HHATL: variants seen among roughly 807,000 people sequenced by gnomAD.
HHATL encodes the protein hedgehog acyltransferase like, also known as protein-cysteine N-palmitoyltransferase HHAT-like protein.
In HHATL, 49 loss-of-function variants were observed where a neutral mutation model predicts 59.7. The ratio of observed to expected loss-of-function variants is 0.82; its 90% CI spans 0.65 to 1.04. The LOEUF (loss-of-function observed/expected upper bound fraction) is 1.04. Among genes scored for constraint, HHATL ranks in the 50% least tolerant of loss-of-function variants. The probability of loss-of-function intolerance (pLI) is 0.00; values close to 1 mark genes in which losing one functional copy is unlikely to be tolerated. For missense variants in HHATL, 605 were observed against 650.8 expected (o/e 0.93, Z 0.77); for synonymous variants, 238 against 257.3 (o/e 0.93, Z 0.72).
intron 11 of HHATL, 41 bp from the exon 12 acceptor site, chr3:42,692,916 G>C: frequency 1.9e-6 from 3 of 1,596,490 alleles, no homozygotes; most frequent in Non-Finnish European, 2.6e-6. Context: ...GAGCAGCACT[G>C]CATCCTCAGC....
intron 2 of HHATL, 138 bp downstream of exon 2, chr3:42,700,583 G>A (rs1697917022): frequency 1.6e-6 from 1 of 612,514 alleles, no homozygotes; most frequent in South Asian, 2.1e-5. Context: ...ACCCCGGGCT[G>A]AAAAGGGAGA....
chr3:42,697,148 G>T lies in HHATL; in HGVS notation c.866-3C>A. 6.6e-7 allele frequency: 1 copy of T among 1,522,310 alleles called. No individual in the cohort carries two copies. Among genetic ancestry groups the T allele is most frequent in the Non-Finnish European group, 8.8e-7 (1 of 1,134,474 alleles). 94.3% of individuals were successfully genotyped at this position (1,522,310 alleles called of 1,614,324 possible). ...CAGGTTTGAATAGGCTAGGCCAGCT[G>T]GGGGCAGGGCACTGTCACTGCCTGG... On this transcript the variant is annotated splice_polypyrimidine_tract_variant and splice_region_variant and intron_variant, in intron 7 of 11. Transcript: ENST00000441594.
At chr3:42,697,731 C>A (rs1216873813) in intron 6 of HHATL, 52 bp from the exon 7 acceptor site, 1 of 1,575,488 alleles carries the variant, frequency 6.3e-7, no homozygotes, top group Non-Finnish European at 8.7e-7. Flanking sequence ...CCTGGGGAGC[C>A]CTGTCTGAGG....
chr3:42,693,371 A>T, intron 10 of HHATL, 153 bp from the exon 11 acceptor site: 1 of 969,594 alleles, frequency 1.0e-6, no homozygotes. Flanking sequence ...CTTGTTAAAC[A>T]TGGGGAAACA....
intron 9 of HHATL, among the ~76,000 whole-genome samples, chr3:42,695,825 C>T (rs1182799131): frequency 6.6e-6 from 1 of 152,062 alleles, no homozygotes; most frequent in Non-Finnish European, 1.5e-5. Context: ...TGGAACTAGA[C>T]ACCCTCACCT....
In HHATL at chr3:42,701,084, GCCCTCACTCGCAGCCTGCCT is replaced by G. The variant is rs1697960750; in HGVS notation, c.-13-265_-13-246del. The stretch of plus-strand genomic sequence containing the variant: ...ACCCATCAAGGCTCTTGCCCGCAGA[GCCCTCACTCGCAGCCTGCCT>G]CCCTCACCTTCATTTACATCTTCAT... On this transcript the variant is annotated intron_variant, in intron 1 of 11. Transcript: ENST00000441594. This position sits in a 1 kb window ranked among gnomAD's most constrained non-coding sequence, Gnocchi z 5.1. 1 of 482,290 alleles carries G rather than the reference GCCCTCACTCGCAGCCTGCCT, an allele frequency of 2.1e-6. No homozygotes were observed. Among genetic ancestry groups the G allele is most frequent in the Admixed American group, 3.4e-5 (1 of 29,740 alleles). The allele number at this position is 482,290 out of a possible 1,614,324, so 29.9% of individuals were successfully genotyped here. A position where few individuals can be genotyped will look rare whatever the true frequency, so the allele number is the denominator to read the frequency against.
At chr3:42,694,063 C>T in intron 9 of HHATL, 1 of 556,668 alleles carries the variant, frequency 1.8e-6, no homozygotes, top group Non-Finnish European at 3.2e-6. Context: ...CCCAAGATTT[C>T]AAGTACTAGC....
In HHATL at chr3:42,693,107, CTG is replaced by C. The variant is rs749756603; in HGVS notation, c.1358_1359del (p.Thr453ArgfsTer34). 6.8e-6 allele frequency: 11 copies of C among 1,614,052 alleles called. No individual in the cohort carries two copies. In the South Asian group the frequency reaches 1.1e-4, roughly 16 times the overall value. On this transcript the variant is annotated frameshift_variant, in exon 11 of 12. Transcript: ENST00000441594. LOFTEE classifies it high-confidence loss of function. ...NLVSLNSLKF[T>X]ELVARRLLLT... is the part of the protein sequence containing the mutation. ...AGTAGCAGGCGCCGGGCAACCAGCT[CTG>C]TGAATTTGAGGCTGTTCAGGCTCAC...
intron 9 of HHATL, 71 bp downstream of exon 9, chr3:42,696,771 C>T: frequency 6.6e-7 from 1 of 1,526,196 alleles, no homozygotes; most frequent in Non-Finnish European, 9.0e-7. Flanking sequence ...AAATGTGGAC[C>T]CATCTTGGCA....
At chr3:42,700,646 G>A in intron 2 of HHATL, 75 bp downstream of exon 2, 1 of 950,694 alleles carries the variant, frequency 1.1e-6, no homozygotes, top group Non-Finnish European at 1.6e-6. Context: ...TAACTTTCTG[G>A]CTTTGCTGGT....
Position 42,697,161 on chromosome 3 carries a change from T to C in HHATL, c.866-16A>G, listed in dbSNP as rs577333364. 1 of 1,514,376 alleles carries C rather than the reference T, an allele frequency of 6.6e-7. No individual in the cohort carries two copies. The highest frequency in any genetic ancestry group is 2.3e-5 in the East Asian group (1 of 43,692). 93.8% of individuals were successfully genotyped at this position (1,514,376 alleles called of 1,614,324 possible). On this transcript the variant is annotated splice_polypyrimidine_tract_variant and intron_variant, in intron 7 of 11. Transcript: ENST00000441594. Reference sequence around the variant, plus strand: ...GCTAGGCCAGCTGGGGGCAGGGCACTGTCACTGCCTGGGGTCCAATCGCCT... The same window carrying C: ...GCTAGGCCAGCTGGGGGCAGGGCACCGTCACTGCCTGGGGTCCAATCGCCT...
chr3:42,693,837 A>C lies in HHATL; in HGVS notation c.1047-19T>G. The C allele has an allele frequency of 3.7e-6, 6 of 1,602,410 alleles. No homozygotes were observed. Among genetic ancestry groups the C allele is most frequent in the Non-Finnish European group, 4.3e-6 (5 of 1,170,856 alleles). ...CACATATCTGCAGGAAAGATGGGAG[A>C]AGGGCCACTGGGAGTGTGGGAAAGG... On this transcript the variant is annotated intron_variant, in intron 9 of 11. Coordinates refer to ENST00000441594, the MANE Select transcript of HHATL (RefSeq NM_020707.4).
At chr3:42,693,004 G>A in intron 11 of HHATL, 73 bp downstream of exon 11, 35 of 1,597,652 alleles carry the variant, frequency 2.2e-5, no homozygotes, top group Non-Finnish European at 2.9e-5. Flanking sequence ...GGAGATAGGA[G>A]GCATTTTGGA....
In HHATL at chr3:42,698,710, G is replaced by A. The variant is rs868428807; in HGVS notation, c.481C>T (p.Gln161Ter). 2 of 1,562,630 alleles carry A rather than the reference G, an allele frequency of 1.3e-6. No homozygotes were observed. The highest frequency in any genetic ancestry group is 1.7e-6 in the Non-Finnish European group (2 of 1,159,838). ...SFKMDPLISW[Q>*]SGFVTGTFDL... ...TCTACCCCTGCACCAGTTCACACCTGCCAAGAGATTAGGGGGTCCATCTTG... is the reference window on the plus strand; with the variant it reads ...TCTACCCCTGCACCAGTTCACACCTACCAAGAGATTAGGGGGTCCATCTTG... The change falls in exon 5 of 12, where the codon CAG (glutamine) becomes TAG (stop). Residue 161 changes from glutamine (Q) to a stop codon, truncating the protein, a stop_gained and splice_region_variant. Coordinates refer to ENST00000441594, the MANE Select transcript of HHATL (RefSeq NM_020707.4). LOFTEE classifies it high-confidence loss of function.
Position 42,693,734 on chromosome 3 carries a change from T to C in HHATL, c.1131A>G (p.Thr377=). The change falls in exon 10 of 12, where the codon ACA becomes ACG. Residue 377 remains threonine, a synonymous_variant. Coordinates refer to ENST00000441594, the MANE Select transcript of HHATL (RefSeq NM_020707.4). ...AATVATFAIT[T]LWLGPCDIVY... The stretch of plus-strand genomic sequence containing the variant: ...CAATGTCACAAGGCCCAAGCCACAG[T>C]GTGGTGATGGCAAATGTGGCCACTG... 1.9e-6 allele frequency: 3 copies of C among 1,614,180 alleles called. No individual in the cohort carries two copies. The highest frequency in any genetic ancestry group is 2.2e-5 in the South Asian group (2 of 91,074).
At chr3:42,695,057 C>A (rs1288007831) in intron 9 of HHATL, among the ~76,000 whole-genome samples, 1 of 152,194 alleles carries the variant, frequency 6.6e-6, no homozygotes, top group Non-Finnish European at 1.5e-5. Flanking sequence ...TAAATAAGTT[C>A]TGTGGAAGAC....
At position 42,699,066 on chromosome 3, in the gene HHATL, A is replaced by G. The variant is rs757608632; in HGVS notation, c.254T>C (p.Leu85Pro). The G allele has an allele frequency of 1.5e-5, 25 of 1,614,186 alleles. No individual in the cohort carries two copies. The South Asian group carries it at 2.4e-4, about 16-fold the overall frequency. The change falls in exon 4 of 12, where the codon CTG becomes CCG. Residue 85 changes from leucine to proline, a missense_variant. Transcript: ENST00000441594. ...AACCATCGTGCAGAGTTTAGCAAAC[A>G]GCACATGTCCGGAGAGGGCAAAGAT... is the stretch of plus-strand genomic sequence containing the variant. ...VIIFALSGHVLFAKLCTMVAP... is the reference protein window; with the variant it reads ...VIIFALSGHVPFAKLCTMVAP...
rs753308452 is a variant in HHATL, at chr3:42,698,272, G to A, written c.563C>T (p.Thr188Ile). The part of the protein sequence containing the change: ...GGSSFTVLRC[T>I]SFALESCAHP... ...GGCACAGCTCTCCAGTGCAAAGCTG[G>A]TGCAACGCAGCACTGTGAAGCTGCT... The change falls in exon 6 of 12, where the codon ACC (threonine) becomes ATC (isoleucine). Residue 188 changes from threonine to isoleucine, a missense_variant. Coordinates refer to ENST00000441594, the MANE Select transcript of HHATL (RefSeq NM_020707.4). 1.9e-6 allele frequency: 3 copies of A among 1,614,148 alleles called. No individual in the cohort carries two copies. The South Asian group carries it at 3.3e-5, about 18-fold the overall frequency.
At position 42,697,634 on chromosome 3, in the gene HHATL, T is replaced by A; in HGVS notation, c.739A>T (p.Ile247Phe). The change falls in exon 7 of 12, where the codon ATC becomes TTC. Residue 247 changes from isoleucine to phenylalanine, a missense_variant. Coordinates refer to ENST00000441594, the MANE Select transcript of HHATL (RefSeq NM_020707.4). Reference sequence around the variant, plus strand: ...ACGCTTAGGCCTGCCTGGGCTCGGATGTGCCACAGCTCACCCTCGCGTCTC... The same window carrying A: ...ACGCTTAGGCCTGCCTGGGCTCGGAAGTGCCACAGCTCACCCTCGCGTCTC... ...PVRREGELWH[I>F]RAQAGLSVVA... 1 of 1,614,122 alleles carries A rather than the reference T, an allele frequency of 6.2e-7. No homozygotes were observed. The highest frequency in any genetic ancestry group is 1.1e-5 in the South Asian group (1 of 91,082).
Sources: allele counts gnomAD v4.1 joint callset (sites outside exome capture counted in the v4.1 genomes callset), GRCh38; gene constraint gnomAD v4.1.1; non-coding constraint Gnocchi (gnomAD v3.1); transcripts MANE v1.5; gene names NCBI Gene and HGNC (gene_info 2026-07-23, HGNC 2026-07-21).